The following DAB1 variants were observed in gnomAD, a reference collection of about 807,000 sequenced individuals.
The protein encoded by DAB1 is disabled homolog 1.
DAB1 carries 15 observed loss-of-function variants against 64.6 expected under a neutral mutation model. The observed-to-expected ratio is 0.23, with a 90% CI of 0.16 to 0.36. The LOEUF is 0.36. DAB1 is among the 10% of genes least tolerant of loss of function. The probability of loss-of-function intolerance (pLI) is 1.00; values close to 1 mark genes in which losing one functional copy is unlikely to be tolerated. For missense variants in DAB1, 596 were observed against 706.7 expected (o/e 0.84, Z 1.78); for synonymous variants, 235 against 251.9 (o/e 0.93, Z 0.64).
At chr1:58,306,867 C>T (rs953642587) in intron 4 of DAB1, among the ~76,000 whole-genome samples, 1 of 152,182 alleles carries the variant, frequency 6.6e-6, no homozygotes, top group Admixed American at 6.5e-5. Context: ...TTGTGTAAGA[C>T]CACTTTCCAA....
chr1:57,790,929 C>T (rs1356237627), intron 6 of DAB1, among the ~76,000 whole-genome samples: 1 of 152,108 alleles, frequency 6.6e-6, no homozygotes, highest in Non-Finnish European at 1.5e-5. Flanking sequence ...GTATTTTAAA[C>T]ATGGTAGATA....
intron 14 of DAB1, 83 bp downstream of exon 14, chr1:57,010,597 G>T: frequency 1.5e-6 from 1 of 655,620 alleles, no homozygotes; most frequent in South Asian, 3.2e-5. Context: ...AAACATTGAG[G>T]ATGTGGCTTC....
chr1:58,452,430 C>G (rs1274418339), intron 3 of DAB1, among the ~76,000 whole-genome samples: 1 of 151,812 alleles, frequency 6.6e-6, no homozygotes, highest in African/African-American at 2.4e-5. Context: ...CACATGTTCA[C>G]GATGATGTGG....
chr1:57,277,067 G>A (rs531983442), intron 2 of DAB1, among the ~76,000 whole-genome samples: 1 of 152,266 alleles, frequency 6.6e-6, no homozygotes, highest in South Asian at 2.1e-4. Flanking sequence ...GACAATTCTT[G>A]ATTTGACTAG....
At chr1:57,075,830 G>C (rs1189167395) in intron 4 of DAB1, among the ~76,000 whole-genome samples, 1 of 152,182 alleles carries the variant, frequency 6.6e-6, no homozygotes, top group Non-Finnish European at 1.5e-5. Flanking sequence ...AGATTACACA[G>C]AATCAAAGTC....
chr1:57,968,654 T>C (rs1282478642), intron 5 of DAB1, among the ~76,000 whole-genome samples: 1 of 152,190 alleles, frequency 6.6e-6, no homozygotes, highest in East Asian at 1.9e-4. Context: ...TAAGTCTCAA[T>C]CTTTCTGACC....
intron 2 of DAB1, among the ~76,000 whole-genome samples, chr1:57,290,032 G>A (rs995594705): frequency 3.3e-5 from 5 of 152,210 alleles, no homozygotes; most frequent in African/African-American, 1.2e-4. Context: ...GCTCCTCTCT[G>A]CCAAGCACTT....
At chr1:57,490,381 T>C (rs1294143591) in intron 7 of DAB1, among the ~76,000 whole-genome samples, 1 of 152,198 alleles carries the variant, frequency 6.6e-6, no homozygotes, top group African/African-American at 2.4e-5. Flanking sequence ...CTCACTTTAT[T>C]ATTTATTACA....
At chr1:57,561,964 C>T (rs1203618114) in intron 7 of DAB1, among the ~76,000 whole-genome samples, 1 of 152,196 alleles carries the variant, frequency 6.6e-6, no homozygotes, top group Non-Finnish European at 1.5e-5. Flanking sequence ...TTTGCCGATC[C>T]CACATGCAAT....
At chr1:57,463,401 C>T (rs1198400527) in intron 7 of DAB1, among the ~76,000 whole-genome samples, 9 of 152,122 alleles carry the variant, frequency 5.9e-5, no homozygotes, top group Non-Finnish European at 1.2e-4. Context: ...TAAGGATTTA[C>T]ATTTTGAGGG....
chr1:57,018,100 G>T (rs1457354632), intron 11 of DAB1, among the ~76,000 whole-genome samples: 19 of 152,168 alleles, frequency 1.2e-4, no homozygotes, highest in Admixed American at 1.2e-3. Context: ...AATCGACTTT[G>T]AATTACATGG....
intron 7 of DAB1, among the ~76,000 whole-genome samples, chr1:57,436,197 G>T (rs902788074): frequency 6.6e-6 from 1 of 152,108 alleles, no homozygotes; most frequent in African/African-American, 2.4e-5. Flanking sequence ...GATTACAGGC[G>T]TGAGCCACCA....
intron 5 of DAB1, among the ~76,000 whole-genome samples, chr1:57,895,796 A>T (rs889926010): frequency 3.9e-5 from 6 of 152,192 alleles, no homozygotes; most frequent in African/African-American, 1.4e-4. Context: ...TAATATCCTC[A>T]TACCAATGGT....
chr1:58,374,618 C>T (rs201091398), intron 3 of DAB1, among the ~76,000 whole-genome samples: 35,075 of 128,676 alleles, frequency 0.27, 5,778 homozygotes, highest in Admixed American at 0.44. Flanking sequence ...TAGTGTGATG[C>T]CTCCAGCTTT....
Position 58,370,676 on chromosome 1 carries a change from G to A in DAB1, n.258-27273C>T, listed in dbSNP as rs76283259. ...TTGTAATCCAAATTGTAATCCCCACGTGTCAAGGGAAGGACCTAGCGTGAG... is the reference window on the plus strand; with the variant it reads ...TTGTAATCCAAATTGTAATCCCCACATGTCAAGGGAAGGACCTAGCGTGAG... On this transcript the variant is annotated intron_variant and non_coding_transcript_variant, in intron 3 of 20. Transcript: ENST00000485760. Among the ~76,000 whole-genome samples, 93 of 152,244 alleles carry A rather than the reference G, an allele frequency of 6.1e-4. 3 individuals are homozygous for A. The East Asian group carries it at 0.014, about 23-fold the overall frequency.
At chr1:58,075,268 T>G (rs1649568059) in intron 5 of DAB1, among the ~76,000 whole-genome samples, 1 of 152,188 alleles carries the variant, frequency 6.6e-6, no homozygotes, top group South Asian at 2.1e-4. Flanking sequence ...TAAAGTCTGT[T>G]CAAAAATACT....
At chr1:57,326,570 T>C (rs1053343991) in intron 1 of DAB1, among the ~76,000 whole-genome samples, 1 of 152,120 alleles carries the variant, frequency 6.6e-6, no homozygotes, top group African/African-American at 2.4e-5. Flanking sequence ...CATAACAAAA[T>C]ACCATAGACT....
chr1:57,274,361 T>C (rs555712838), intron 2 of DAB1, among the ~76,000 whole-genome samples: 2 of 152,360 alleles, frequency 1.3e-5, no homozygotes, highest in Non-Finnish European at 2.9e-5. Context: ...CTTGTTCAGC[T>C]GTGGGCCCTG....
At chr1:58,074,135 C>G (rs1181698819) in intron 5 of DAB1, among the ~76,000 whole-genome samples, 2 of 152,044 alleles carry the variant, frequency 1.3e-5, no homozygotes, top group East Asian at 3.8e-4. Context: ...TTACTTGCAA[C>G]CAAACACGTT....
Sources: allele counts gnomAD v4.1 joint callset (sites outside exome capture counted in the v4.1 genomes callset), GRCh38; gene constraint gnomAD v4.1.1; transcripts MANE v1.5; gene names NCBI Gene and HGNC (gene_info 2026-07-23, HGNC 2026-07-21).